The following PLCE1 variants were observed in gnomAD, a reference collection of about 807,000 sequenced individuals.
The protein encoded by PLCE1 is phospholipase C epsilon 1.
In PLCE1, 119 loss-of-function variants were observed where a neutral mutation model predicts 242.8. That is an observed-to-expected ratio of 0.49 (90% CI 0.42 to 0.57). The LOEUF (loss-of-function observed/expected upper bound fraction) is 0.57. Among genes scored for constraint, PLCE1 ranks in the 20% least tolerant of loss-of-function variants. PLCE1 has a pLI of 0.00. For missense variants in PLCE1, 2,441 were observed against 2,788.8 expected (o/e 0.88, Z 2.81); for synonymous variants, 945 against 1,017.4 (o/e 0.93, Z 1.35).
At chr10:94,083,588 G>C (rs528945509) in intron 2 of PLCE1, among the ~76,000 whole-genome samples, 1 of 152,192 alleles carries the variant, frequency 6.6e-6, no homozygotes, top group South Asian at 2.1e-4. Context: ...TCTCATTTCT[G>C]GCCTAAAGAT....
intron 2 of PLCE1, among the ~76,000 whole-genome samples, chr10:94,090,265 T>C (rs1225631943): frequency 6.6e-6 from 1 of 152,190 alleles, no homozygotes; most frequent in Non-Finnish European, 1.5e-5. Flanking sequence ...AAGTACTGTG[T>C]TTAAGGAATT....
At chr10:94,191,071 G>T (rs35173192) in intron 4 of PLCE1, among the ~76,000 whole-genome samples, 1 of 152,004 alleles carries the variant, frequency 6.6e-6, no homozygotes, top group African/African-American at 2.4e-5. Flanking sequence ...AAATTAAGGG[G>T]CCCCAGCCTC....
At chr10:94,261,627 C>T (rs892009759) in intron 13 of PLCE1, among the ~76,000 whole-genome samples, 9 of 152,012 alleles carry the variant, frequency 5.9e-5, no homozygotes, top group African/African-American at 2.2e-4. Flanking sequence ...AAAGTTGGTG[C>T]GAATGTGAAG....
intron 4 of PLCE1, among the ~76,000 whole-genome samples, chr10:94,196,980 G>A (rs1457137343): frequency 3.3e-5 from 5 of 152,060 alleles, no homozygotes; most frequent in Admixed American, 3.3e-4. Flanking sequence ...ATACCCACTA[G>A]CAGTCACTCC....
chr10:94,265,584 G>A, intron 14 of PLCE1, 63 bp from the exon 15 acceptor site: 1 of 1,328,108 alleles, frequency 7.5e-7, no homozygotes, highest in South Asian at 1.2e-5. Flanking sequence ...ATGATGTGGT[G>A]GTTTCTTTCC....
chr10:94,269,142 T>G (rs2051628052), intron 17 of PLCE1, 106 bp downstream of exon 17: 1 of 636,794 alleles, frequency 1.6e-6, no homozygotes, highest in Middle Eastern at 4.3e-4. Context: ...CGCTCTGTTA[T>G]CCAGGCTGGA....
intron 3 of PLCE1, among the ~76,000 whole-genome samples, chr10:94,168,197 G>T (rs544707603): frequency 6.6e-6 from 1 of 152,256 alleles, no homozygotes; most frequent in Admixed American, 6.5e-5. Flanking sequence ...AGAGAGCAAG[G>T]CCCAGAGGTG....
chr10:94,126,294 A>G (rs2046434386), intron 2 of PLCE1, among the ~76,000 whole-genome samples: 2 of 152,230 alleles, frequency 1.3e-5, no homozygotes, highest in South Asian at 2.1e-4. Context: ...ATAGTTCTCT[A>G]TATAAAGCCT....
intron 1 of PLCE1, among the ~76,000 whole-genome samples, chr10:94,004,140 C>A (rs1337738580): frequency 1.3e-5 from 2 of 149,856 alleles, no homozygotes; most frequent in Admixed American, 6.6e-5. Context: ...AGCGAGATTC[C>A]ATCTCAAAAA....
intron 19 of PLCE1, among the ~76,000 whole-genome samples, chr10:94,277,086 C>T (rs538116096): frequency 6.6e-6 from 1 of 152,256 alleles, no homozygotes; most frequent in South Asian, 2.1e-4. Context: ...AAAGAACTCA[C>T]CCTCAGCAAG....
At chr10:94,194,453 T>A (rs532705675) in intron 4 of PLCE1, among the ~76,000 whole-genome samples, 49 of 152,334 alleles carry the variant, frequency 3.2e-4, no homozygotes, top group African/African-American at 1.1e-3. Context: ...TCCTGTTTTC[T>A]CCCCATTAAT....
chr10:94,004,793 A>C (rs2061002729), intron 1 of PLCE1, among the ~76,000 whole-genome samples: 1 of 152,176 alleles, frequency 6.6e-6, no homozygotes, highest in African/African-American at 2.4e-5. Flanking sequence ...AATGGTGAGC[A>C]AGGTCCCCAC....
At chr10:94,317,681 G>T (rs909176040) in intron 29 of PLCE1, among the ~76,000 whole-genome samples, 7 of 152,112 alleles carry the variant, frequency 4.6e-5, no homozygotes, top group African/African-American at 1.4e-4. Context: ...TGCAACAACT[G>T]CCATGTTGAC....
chr10:94,091,627 T>G (rs1259054132), intron 2 of PLCE1, among the ~76,000 whole-genome samples: 1 of 152,094 alleles, frequency 6.6e-6, no homozygotes, highest in Non-Finnish European at 1.5e-5. Flanking sequence ...AAAATGCTCT[T>G]GAGATAGTTG....
chr10:94,097,195 G>A (rs2045348451), intron 2 of PLCE1, among the ~76,000 whole-genome samples: 1 of 152,150 alleles, frequency 6.6e-6, no homozygotes, highest in African/African-American at 2.4e-5. Flanking sequence ...GTGTATGGGA[G>A]AAGGGAAACC....
At chr10:94,129,828 T>C (rs1373136981) in intron 2 of PLCE1, among the ~76,000 whole-genome samples, 1 of 152,186 alleles carries the variant, frequency 6.6e-6, no homozygotes, top group Non-Finnish European at 1.5e-5. Context: ...GGGTGAAATC[T>C]CCTTGCTTTA....
At chr10:94,052,605 G>C (rs2043795185) in intron 2 of PLCE1, among the ~76,000 whole-genome samples, 1 of 152,106 alleles carries the variant, frequency 6.6e-6, no homozygotes, top group Admixed American at 6.5e-5. Context: ...AGCAAAAAGG[G>C]AACTCTTTTT....
intron 4 of PLCE1, among the ~76,000 whole-genome samples, chr10:94,194,448 T>G (rs2136658724): frequency 6.6e-6 from 1 of 152,314 alleles, no homozygotes; most frequent in South Asian, 2.1e-4. Flanking sequence ...AGCTGTCCTG[T>G]TTTCTCCCCA....
chr10:94,054,376 T>C (rs2043844618), intron 2 of PLCE1, among the ~76,000 whole-genome samples: 1 of 152,180 alleles, frequency 6.6e-6, no homozygotes, highest in Non-Finnish European at 1.5e-5. Flanking sequence ...AGAAGTGAAG[T>C]ACACCATGTT....
Sources: gnomAD v4.1 joint callset for allele counts (sites outside exome capture counted in the v4.1 genomes callset) on GRCh38, gnomAD v4.1.1 for gene constraint, MANE v1.5 for transcripts, NCBI Gene and HGNC (gene_info 2026-07-23, HGNC 2026-07-21) for gene names.